Variants in TECR observed in about 807,000 individuals in gnomAD.
TECR encodes very-long-chain enoyl-CoA reductase.
Under a neutral mutation model 50.6 loss-of-function variants are expected in TECR, and 19 were observed. That is an observed-to-expected ratio of 0.38 (90% CI 0.26 to 0.55). TECR has a LOEUF of 0.55. Ranked by LOEUF, TECR falls within the 20% of genes least tolerant of loss-of-function variation. TECR has a pLI of 0.79. For missense variants in TECR, 313 were observed against 408.3 expected (o/e 0.77, Z 2.01); for synonymous variants, 168 against 163.5 (o/e 1.03, Z -0.21).
At chr19:14,564,158 G>C in intron 6 of TECR, 24 bp from the exon 7 acceptor site, 1 of 1,606,386 alleles carries the variant, frequency 6.2e-7, no homozygotes. Context: ...ACCAGCCCCA[G>C]CTGAGCCTGC....
intron 1 of TECR, among the ~76,000 whole-genome samples, chr19:14,540,517 G>A (rs941671617): frequency 2.6e-5 from 4 of 151,854 alleles, no homozygotes; most frequent in Admixed American, 6.6e-5. Flanking sequence ...TCAGCCTCCC[G>A]AGTAGCTGGG....
chr19:14,565,558 G>C, intron 11 of TECR, 60 bp from the exon 12 acceptor site: 3 of 1,573,388 alleles, frequency 1.9e-6, no homozygotes, highest in Non-Finnish European at 2.6e-6. Flanking sequence ...GCTGAGTCCA[G>C]GACAGCCACA....
intron 1 of TECR, among the ~76,000 whole-genome samples, chr19:14,549,673 A>G (rs998922238): frequency 6.6e-6 from 1 of 151,068 alleles, no homozygotes; most frequent in African/African-American, 2.4e-5. Context: ...GGCCAGGCGC[A>G]GTGGCTCACG....
At chr19:14,549,421 C>G (rs953423776) in intron 1 of TECR, among the ~76,000 whole-genome samples, 1 of 151,944 alleles carries the variant, frequency 6.6e-6, no homozygotes, top group African/African-American at 2.4e-5. Context: ...CCATATTGGC[C>G]AGGCTAGTCT....
chr19:14,545,557 C>T (rs1185774230), intron 1 of TECR, among the ~76,000 whole-genome samples: 2 of 152,190 alleles, frequency 1.3e-5, no homozygotes, highest in Non-Finnish European at 2.9e-5. Context: ...ATATCCCGGC[C>T]CTTGGATCGC....
intron 1 of TECR, among the ~76,000 whole-genome samples, chr19:14,549,374 A>G (rs531414762): frequency 2.1e-4 from 32 of 152,018 alleles, no homozygotes; most frequent in South Asian, 2.1e-4. Context: ...CACCATGCCC[A>G]GCTAACTTTT....
At chr19:14,540,365 G>T (rs1213937565) in intron 1 of TECR, among the ~76,000 whole-genome samples, 1 of 151,920 alleles carries the variant, frequency 6.6e-6, no homozygotes, top group Non-Finnish European at 1.5e-5. Flanking sequence ...ACTGTGCCTG[G>T]CTAATTTTTG....
At chr19:14,564,418 C>T in intron 7 of TECR, 131 bp downstream of exon 7, 10 of 786,934 alleles carry the variant, frequency 1.3e-5, no homozygotes, top group Non-Finnish European at 2.1e-5. Flanking sequence ...CCCTAGGCCC[C>T]GCCTAACCTC....
chr19:14,537,136 A>G (rs2072928741), intron 1 of TECR, among the ~76,000 whole-genome samples: 1 of 122,252 alleles, frequency 8.2e-6, no homozygotes, highest in African/African-American at 3.1e-5. Flanking sequence ...GTTCCTGAGG[A>G]TGAGGAGGTA....
At position 14,540,422 on chromosome 19, in the gene TECR, G is replaced by A. The variant is rs536481161; in HGVS notation, c.15+10711G>A. Reference sequence around the variant, plus strand: ...AAATGTGTGTTTTTGAGGCAGAGTCGTGCTCTGTCACCTAGACTGGAGTGC... The same window carrying A: ...AAATGTGTGTTTTTGAGGCAGAGTCATGCTCTGTCACCTAGACTGGAGTGC... On this transcript the variant is annotated intron_variant, in intron 1 of 12. Transcript: ENST00000215567. 5.3e-5 allele frequency among the ~76,000 whole-genome samples: 8 copies of A among 150,104 alleles called. No individual in the cohort carries two copies. The South Asian group carries it at 1.5e-3, about 28-fold the overall frequency.
intron 11 of TECR, 130 bp downstream of exon 11, chr19:14,565,420 A>T: frequency 7.3e-7 from 1 of 1,375,774 alleles, no homozygotes; most frequent in Non-Finnish European, 1.0e-6. Context: ...GGAGGTGGAG[A>T]CCGCGGCCTC....
intron 1 of TECR, among the ~76,000 whole-genome samples, chr19:14,543,716 G>A (rs1349321471): frequency 6.7e-6 from 1 of 149,894 alleles, no homozygotes. Context: ...GGGATTACAG[G>A]CGTGAGCCAC....
intron 1 of TECR, among the ~76,000 whole-genome samples, chr19:14,549,912 C>T (rs1229126855): frequency 6.6e-6 from 1 of 151,594 alleles, no homozygotes; most frequent in Non-Finnish European, 1.5e-5. Context: ...CACTGCGCTC[C>T]AGCCTGGGCA....
chr19:14,545,438 G>C (rs892994896), intron 1 of TECR, among the ~76,000 whole-genome samples: 8 of 126,138 alleles, frequency 6.3e-5, no homozygotes, highest in Non-Finnish European at 1.5e-4. Flanking sequence ...CACAGCTCCT[G>C]GTACATCGTG....
At chr19:14,531,706 G>A (rs2072673546) in intron 1 of TECR, 1 of 152,216 alleles carries the variant, frequency 6.6e-6, no homozygotes, top group Admixed American at 6.5e-5. Context: ...ACAGGCATGA[G>A]CCACGGTGCC....
At position 14,562,586 on chromosome 19, in the gene TECR, G is replaced by A. The variant is rs2073935269; in HGVS notation, c.66+11G>A. 2 of 1,614,064 alleles carry A rather than the reference G, an allele frequency of 1.2e-6. No individual in the cohort carries two copies. Among genetic ancestry groups the A allele is most frequent in the Non-Finnish European group, 1.7e-6 (2 of 1,180,030 alleles). On this transcript the variant is annotated intron_variant, in intron 2 of 12. Coordinates refer to ENST00000215567, the MANE Select transcript of TECR (RefSeq NM_138501.6). ...TGTTTCTTGGACAAGGTAGGACTGGGGCGTGGGCTGCACTGGGCCAAGGGC... is the reference window on the plus strand; with the variant it reads ...TGTTTCTTGGACAAGGTAGGACTGGAGCGTGGGCTGCACTGGGCCAAGGGC...
At chr19:14,536,425 A>G (rs1224722219) in intron 1 of TECR, among the ~76,000 whole-genome samples, 1 of 151,640 alleles carries the variant, frequency 6.6e-6, no homozygotes, top group East Asian at 1.9e-4. Flanking sequence ...GCCCACCACC[A>G]CGCCCGGCTA....
At position 14,563,948 on chromosome 19, in the gene TECR, TTGGGTG is replaced by T; in HGVS notation, c.268-33_268-28del. The T allele has an allele frequency of 3.7e-6, 6 of 1,613,732 alleles. No homozygotes were observed. The highest frequency in any genetic ancestry group is 5.1e-6 in the Non-Finnish European group (6 of 1,179,628). ...ACGGCCTCTTTTCCCGTCAGCCACG[TTGGGTG>T]ACTCATCTTGCCCCCCTCTACTCTC... On this transcript the variant is annotated intron_variant, in intron 5 of 12. Coordinates refer to ENST00000215567, the MANE Select transcript of TECR (RefSeq NM_138501.6). The surrounding 1 kb of genome is among the most constrained non-coding windows in gnomAD (Gnocchi z 5.3).
intron 1 of TECR, among the ~76,000 whole-genome samples, chr19:14,556,921 C>G (rs1181951750): frequency 6.6e-6 from 1 of 152,078 alleles, no homozygotes; most frequent in Non-Finnish European, 1.5e-5. Context: ...AAGTATCTCG[C>G]TATTGTTAGG....
Sources: gnomAD v4.1 joint callset for allele counts (sites outside exome capture counted in the v4.1 genomes callset) on GRCh38, gnomAD v4.1.1 for gene constraint, Gnocchi (gnomAD v3.1) non-coding constraint, MANE v1.5 for transcripts, NCBI Gene and HGNC (gene_info 2026-07-23, HGNC 2026-07-21) for gene names.